The following ARHGEF3 variants were observed in gnomAD, a reference collection of about 807,000 sequenced individuals.
ARHGEF3 encodes the protein Rho guanine nucleotide exchange factor 3.
In ARHGEF3, 28 loss-of-function variants were observed where a neutral mutation model predicts 63.2. The observed-to-expected ratio is 0.44, with a 90% CI of 0.33 to 0.61. ARHGEF3 has a LOEUF of 0.61. Among genes scored for constraint, ARHGEF3 ranks in the 20% least tolerant of loss-of-function variants. The probability of loss-of-function intolerance (pLI) is 0.03; values close to 1 mark genes in which losing one functional copy is unlikely to be tolerated. For missense variants in ARHGEF3, 533 were observed against 659.3 expected (o/e 0.81, Z 2.10); for synonymous variants, 266 against 254.2 (o/e 1.05, Z -0.44).
chr3:56,750,925 AT>A (rs202201133), intron 6 of ARHGEF3, 130 bp downstream of exon 6: 29 of 578,010 alleles, frequency 5.0e-5, no homozygotes, highest in South Asian at 1.5e-4. Context: ...TTTTACTAGG[AT>A]TTTTTTTTCT....
intron 2 of ARHGEF3, among the ~76,000 whole-genome samples, chr3:56,768,131 G>A (rs1203634812): frequency 5.9e-5 from 9 of 152,044 alleles, no homozygotes; most frequent in Non-Finnish European, 8.8e-5. Flanking sequence ...ATCTCTGCTC[G>A]CTGTGACCTC....
chr3:56,968,181 A>ATGT (rs1363015487), intron 2 of ARHGEF3, among the ~76,000 whole-genome samples: 1 of 23,374 alleles, frequency 4.3e-5, no homozygotes, highest in Non-Finnish European at 7.7e-5. Flanking sequence ...TATATATAAA[A>ATGT]ATATATATTA....
chr3:56,971,933 C>T (rs997171580), intron 2 of ARHGEF3, among the ~76,000 whole-genome samples: 6 of 147,868 alleles, frequency 4.1e-5, no homozygotes, highest in African/African-American at 1.5e-4. Context: ...GTGTGGTTCC[C>T]TTGTCTCCTC....
chr3:56,916,137 G>A (rs556624451), intron 3 of ARHGEF3, among the ~76,000 whole-genome samples: 2 of 152,242 alleles, frequency 1.3e-5, no homozygotes, highest in South Asian at 2.1e-4. Flanking sequence ...AAAGTGAGGC[G>A]GGAATCTGGC....
chr3:57,049,127 T>C (rs1475908486), intron 1 of ARHGEF3, among the ~76,000 whole-genome samples: 1 of 152,164 alleles, frequency 6.6e-6, no homozygotes, highest in Non-Finnish European at 1.5e-5. Flanking sequence ...CCCAGCACTT[T>C]GGGAAGCTGA....
At chr3:56,819,687 C>T (rs2088790) in intron 4 of ARHGEF3, among the ~76,000 whole-genome samples, 102,638 of 151,110 alleles carry the variant, frequency 0.68, 35,649 homozygotes, top group Non-Finnish European at 0.75. Context: ...TTTTTATTTA[C>T]TTATTTATTT....
intron 3 of ARHGEF3, among the ~76,000 whole-genome samples, chr3:56,908,567 C>G (rs988225198): frequency 3.3e-5 from 5 of 152,148 alleles, no homozygotes; most frequent in Non-Finnish European, 7.3e-5. Context: ...GCTTCAGATA[C>G]GAGGGACAAG....
At chr3:56,968,259 T>A (rs1374942004) in intron 2 of ARHGEF3, among the ~76,000 whole-genome samples, 1,319 of 34,868 alleles carry the variant, frequency 0.038, 138 homozygotes, top group Non-Finnish European at 0.067. Flanking sequence ...TATATAATAT[T>A]TAAATATATA....
chr3:57,026,236 C>T (rs917283544), intron 2 of ARHGEF3, among the ~76,000 whole-genome samples: 3 of 152,020 alleles, frequency 2.0e-5, no homozygotes, highest in Non-Finnish European at 4.4e-5. Context: ...TCCATCTATA[C>T]AAAAAAATTT....
chr3:57,041,751 C>G (rs2107259861), intron 1 of ARHGEF3, among the ~76,000 whole-genome samples: 1 of 152,254 alleles, frequency 6.6e-6, no homozygotes, highest in African/African-American at 2.4e-5. Flanking sequence ...GTCCTCCAGG[C>G]TTTTATCTGA....
rs535778566 is a variant in ARHGEF3, at chr3:57,062,333, C to T, written c.-28+16893G>A. On this transcript the variant is annotated intron_variant, in intron 1 of 12. Coordinates refer to the ARHGEF3 transcript ENST00000338458. The stretch of plus-strand genomic sequence containing the variant: ...GACCCTGAGGAAGCCCACAGCCTGG[C>T]AAGGGTGGCTTGTGTCTAGCTCCAG... Among the ~76,000 whole-genome samples, 16 of 152,270 alleles carry T rather than the reference C, an allele frequency of 1.1e-4. No homozygotes were observed. In the East Asian group the frequency reaches 3.1e-3, roughly 29 times the overall value.
At chr3:57,078,831 C>G (rs899450861) in intron 1 of ARHGEF3, 1 of 165,306 alleles carries the variant, frequency 6.0e-6, no homozygotes, top group African/African-American at 2.4e-5. Context: ...GAAAGGGGCG[C>G]GTCCCAGGAC....
At chr3:56,813,110 A>G (rs1196658674) in intron 4 of ARHGEF3, among the ~76,000 whole-genome samples, 1 of 152,228 alleles carries the variant, frequency 6.6e-6, no homozygotes, top group East Asian at 1.9e-4. Context: ...CATAACTTTT[A>G]TAAGGTAGGC....
chr3:57,020,210 C>G (rs565988540), intron 2 of ARHGEF3, among the ~76,000 whole-genome samples: 2 of 152,240 alleles, frequency 1.3e-5, no homozygotes, highest in African/African-American at 4.8e-5. Context: ...CAAATAAAGC[C>G]TGAAACTTCA....
chr3:56,786,393 T>C (rs903520515), intron 1 of ARHGEF3, among the ~76,000 whole-genome samples: 1 of 152,236 alleles, frequency 6.6e-6, no homozygotes, highest in Non-Finnish European at 1.5e-5. Context: ...CTGGCATTTC[T>C]GTTGCCCCCA....
chr3:57,034,938 G>T, intron 2 of ARHGEF3: 1 of 627,648 alleles, frequency 1.6e-6, no homozygotes, highest in South Asian at 2.4e-5. Context: ...TGGGGTTACA[G>T]GCATGAGACA....
intron 1 of ARHGEF3, among the ~76,000 whole-genome samples, chr3:57,044,947 C>G (rs746257336): frequency 5.9e-5 from 9 of 152,048 alleles, no homozygotes; most frequent in Non-Finnish European, 1.2e-4. Context: ...TCCAATGGAA[C>G]AAAAAAGTTT....
chr3:57,016,377 A>G (rs1703001744), intron 2 of ARHGEF3, among the ~76,000 whole-genome samples: 1 of 97,748 alleles, frequency 1.0e-5, no homozygotes. Context: ...CCCTGTCTCT[A>G]CTAAAAATAC....
At chr3:57,069,821 G>C (rs761531768) in intron 1 of ARHGEF3, among the ~76,000 whole-genome samples, 1 of 151,914 alleles carries the variant, frequency 6.6e-6, no homozygotes, top group Non-Finnish European at 1.5e-5. Context: ...ATTTTTAATT[G>C]TTTTATAGAA....
Sources: gnomAD v4.1 joint callset for allele counts (sites outside exome capture counted in the v4.1 genomes callset) on GRCh38, gnomAD v4.1.1 for gene constraint, MANE v1.5 for transcripts, NCBI Gene and HGNC (gene_info 2026-07-23, HGNC 2026-07-21) for gene names.